Variants in HIPK2 observed in about 807,000 individuals in gnomAD.
HIPK2 encodes homeodomain interacting protein kinase 2.
HIPK2 carries 27 observed loss-of-function variants against 113.7 expected under a neutral mutation model. That is an observed-to-expected ratio of 0.24 (90% CI 0.17 to 0.33). HIPK2 has a LOEUF of 0.33. Among genes scored for constraint, HIPK2 ranks in the 10% least tolerant of loss-of-function variants. The pLI is 1.00. For synonymous variants in HIPK2, 631 were observed against 642.2 expected, an observed-to-expected ratio of 0.98 and a Z score of 0.26; for missense variants, 1,257 against 1,588.0, an observed-to-expected ratio of 0.79 and a Z score of 3.54.
intron 2 of HIPK2, among the ~76,000 whole-genome samples, chr7:139,656,713 T>C (rs879000271): frequency 4.6e-5 from 7 of 152,226 alleles, no homozygotes; most frequent in Admixed American, 4.6e-4. Flanking sequence ...GTTCAGTTCA[T>C]AACATCCTCT....
intron 2 of HIPK2, among the ~76,000 whole-genome samples, chr7:139,656,399 G>A (rs1052123287): frequency 2.6e-5 from 4 of 152,106 alleles, no homozygotes; most frequent in African/African-American, 4.8e-5. Flanking sequence ...TGCTTATCAC[G>A]TTTACCTTTA....
intron 1 of HIPK2, among the ~76,000 whole-genome samples, chr7:139,758,590 G>A (rs796648932): frequency 1.1e-4 from 16 of 152,222 alleles, no homozygotes; most frequent in African/African-American, 3.6e-4. Context: ...GCTGAGCTCC[G>A]CCTCCTGTCA....
rs774623424 is a variant in HIPK2 at position 139,631,126 on chromosome 7, C to A, written c.1347+39G>T. ...GGTCTACGGCCCTCTTCCCTAAGCG[C>A]TGGGCCACTGTGAGGAGTGGAGGAG... On this transcript the variant is annotated intron_variant, in intron 4 of 14. Transcript: ENST00000406875. The surrounding 1 kb of genome is among the most constrained non-coding windows in gnomAD (Gnocchi z 4.9). 3.2e-6 allele frequency: 5 copies of A among 1,583,610 alleles called. No homozygotes were observed. The highest frequency in any genetic ancestry group is 4.3e-6 in the Non-Finnish European group (5 of 1,164,172).
chr7:139,692,757 G>A (rs1401063225), intron 2 of HIPK2, among the ~76,000 whole-genome samples: 2 of 152,132 alleles, frequency 1.3e-5, no homozygotes, highest in African/African-American at 2.4e-5. Context: ...ACATAATTTC[G>A]TCAGTACCCA....
At chr7:139,715,800 G>T in intron 2 of HIPK2, 132 bp downstream of exon 2, 1 of 1,274,592 alleles carries the variant, frequency 7.8e-7, no homozygotes, top group Non-Finnish European at 1.1e-6. Context: ...AATTTCGTAA[G>T]TACATTAAGA....
chr7:139,642,744 G>T (rs1317630134), intron 2 of HIPK2, among the ~76,000 whole-genome samples: 1 of 152,208 alleles, frequency 6.6e-6, no homozygotes, highest in African/African-American at 2.4e-5. Context: ...GGGACCCAGA[G>T]ATGAAGCTCT....
chr7:139,580,395 C>T (rs566639310), intron 13 of HIPK2, among the ~76,000 whole-genome samples: 30 of 152,100 alleles, frequency 2.0e-4, no homozygotes, highest in African/African-American at 7.2e-4. Context: ...GACGAGAGCC[C>T]CGAGTAAGGG....
intron 2 of HIPK2, among the ~76,000 whole-genome samples, chr7:139,642,208 T>C (rs1801049813): frequency 6.6e-6 from 1 of 152,160 alleles, no homozygotes; most frequent in Admixed American, 6.5e-5. Context: ...TCAGATGGGT[T>C]GTTAAATCTT....
chr7:139,604,207 C>T lies in HIPK2; in HGVS notation c.2129G>A (p.Gly710Glu). Residue 710 changes from glycine to glutamate, a missense_variant, in exon 10 of 15, where the codon GGG becomes GAG. By Grantham distance (98) the Gly-to-Glu change is moderately conservative. This residue lies in a region of HIPK2 where 862 missense variants were observed against 1,004.3 expected (regional missense o/e 0.86). Coordinates refer to ENST00000406875, the MANE Select transcript of HIPK2 (RefSeq NM_022740.5). ...GLLAQQAWPS[G>E]TQQILLPPAW... ...TGGGGGAAGCAGGATCTGCTGGGTC[C>T]CACTTGGCCAAGCCTGCTGTAGAAC... 1 of 1,612,252 alleles carries T rather than the reference C, an allele frequency of 6.2e-7. No individual in the cohort carries two copies. The highest frequency in any genetic ancestry group is 8.5e-7 in the Non-Finnish European group (1 of 1,178,862).
intron 2 of HIPK2, among the ~76,000 whole-genome samples, chr7:139,689,075 G>C (rs1794319959): frequency 6.6e-6 from 1 of 152,204 alleles, no homozygotes; most frequent in Non-Finnish European, 1.5e-5. Flanking sequence ...GGTGGACCAA[G>C]AGCCAAAGCT....
At position 139,563,485 on chromosome 7, in the gene HIPK2, C is replaced by T; in HGVS notation, c.*9442G>A. ...GAGAGATTCGTTTGGAGATTGGTTA[C>T]AAGGAAGCGAGGGAGAGCAGAGGCA... On this transcript the variant is annotated 3_prime_UTR_variant, in exon 15 of 15. Coordinates refer to ENST00000406875, the MANE Select transcript of HIPK2 (RefSeq NM_022740.5). The T allele has an allele frequency of 5.8e-6, 1 of 172,040 alleles. No individual in the cohort carries two copies. The highest frequency in any genetic ancestry group is 1.2e-5 in the Non-Finnish European group (1 of 81,416). The allele number at this position is 172,040 out of a possible 1,614,324, so 10.7% of individuals were successfully genotyped here.
chr7:139,622,194 G>A (rs974591441), intron 6 of HIPK2, among the ~76,000 whole-genome samples: 1 of 152,288 alleles, frequency 6.6e-6, no homozygotes, highest in South Asian at 2.1e-4. Flanking sequence ...GACTTAGAGA[G>A]TCCTACTTCT....
At position 139,714,478 on chromosome 7, in the gene HIPK2, T is replaced by TG. The variant is rs1795162041; in HGVS notation, c.1103+1453dup. Among the ~76,000 whole-genome samples the TG allele has an allele frequency of 6.6e-6, 1 of 151,970 alleles. No individual in the cohort carries two copies. The highest frequency in any genetic ancestry group is 6.5e-5 in the Admixed American group (1 of 15,278). ...GCAACAGCTCTGCCTGCAGCCAGGA[T>TG]GGGGGCCCGGACAGGGAGCAAGAAG... On this transcript the variant is annotated intron_variant, in intron 2 of 14. Coordinates refer to ENST00000406875, the MANE Select transcript of HIPK2 (RefSeq NM_022740.5). The surrounding 1 kb of genome is among the most constrained non-coding windows in gnomAD (Gnocchi z 4.2).
intron 2 of HIPK2, among the ~76,000 whole-genome samples, chr7:139,696,385 C>A (rs1794567346): frequency 6.6e-6 from 1 of 151,850 alleles, no homozygotes; most frequent in African/African-American, 2.4e-5. Flanking sequence ...CAAGTCTGGG[C>A]ATCATAGTGA....
rs1024459865 is a variant in HIPK2, at chr7:139,571,208, G to C, written c.*1719C>G. 6.6e-6 allele frequency: 1 copy of C among 152,282 alleles called. No homozygotes were observed. Among genetic ancestry groups the C allele is most frequent in the Admixed American group, 6.5e-5 (1 of 15,288 alleles). 9.4% of individuals were successfully genotyped at this position (152,282 alleles called of 1,614,324 possible). On this transcript the variant is annotated 3_prime_UTR_variant, in exon 15 of 15. Coordinates refer to ENST00000406875, the MANE Select transcript of HIPK2 (RefSeq NM_022740.5). ...CAACAGCAAACAGAGGTTGGTGGTT[G>C]TCTACAGAGGGAGGGATCTGGCAAG...
At chr7:139,702,535 G>C (rs1309937553) in intron 2 of HIPK2, among the ~76,000 whole-genome samples, 1 of 152,174 alleles carries the variant, frequency 6.6e-6, no homozygotes, top group Non-Finnish European at 1.5e-5. Context: ...CCTGGGGGCT[G>C]GGGGGAGACC....
At chr7:139,687,304 CA>C (rs56833915) in intron 2 of HIPK2, among the ~76,000 whole-genome samples, 1,984 of 152,170 alleles carry the variant, frequency 0.013, 52 homozygotes, top group African/African-American at 0.045. Context: ...ATATAGCATA[CA>C]AATGAGGTAA....
intron 6 of HIPK2, among the ~76,000 whole-genome samples, chr7:139,624,027 A>ATTT (rs61607452): frequency 1.4e-5 from 2 of 143,484 alleles, no homozygotes; most frequent in East Asian, 2.1e-4. Flanking sequence ...ACGGCTTCCT[A>ATTT]TTTTTTTTTT....
At chr7:139,662,968 C>A (rs1280180063) in intron 2 of HIPK2, among the ~76,000 whole-genome samples, 1 of 152,208 alleles carries the variant, frequency 6.6e-6, no homozygotes, top group African/African-American at 2.4e-5. Context: ...ATTCCTGACA[C>A]TATCCAAGTC....
Sources: allele counts gnomAD v4.1 joint callset (sites outside exome capture counted in the v4.1 genomes callset), GRCh38; gene constraint gnomAD v4.1.1; regional missense constraint gnomAD v4.1.1; non-coding constraint Gnocchi (gnomAD v3.1); transcripts MANE v1.5; gene names NCBI Gene and HGNC (gene_info 2026-07-23, HGNC 2026-07-21).